Variants in SARDH observed in about 807,000 individuals in gnomAD.
The protein encoded by SARDH is sarcosine dehydrogenase, mitochondrial.
SARDH carries 95 observed loss-of-function variants against 109.1 expected under a neutral mutation model. The ratio of observed to expected loss-of-function variants is 0.87; its 90% CI spans 0.74 to 1.03. The LOEUF (loss-of-function observed/expected upper bound fraction) is 1.03, where lower values mean the gene tolerates loss of function less well. Ranked by LOEUF, SARDH falls within the 50% of genes least tolerant of loss-of-function variation. The pLI, the probability that SARDH is intolerant of heterozygous loss-of-function variation, is 0.00. For missense variants in SARDH, 1,267 were observed against 1,287.8 expected (o/e 0.98, Z 0.25); for synonymous variants, 572 against 534.8 (o/e 1.07, Z -0.96).
chr9:133,703,815 A>T (rs1466778993), intron 12 of SARDH: 2 of 152,278 alleles, frequency 1.3e-5, no homozygotes, highest in Non-Finnish European at 2.9e-5. Context: ...GTTGTAAGGG[A>T]GTCAGGCTTT....
Position 133,666,788 on chromosome 9 carries a change from C to T in SARDH, c.2578G>A (p.Ala860Thr), listed in dbSNP as rs769825652. 10 of 1,603,748 alleles carry T rather than the reference C, an allele frequency of 6.2e-6. No individual in the cohort carries two copies. The highest frequency in any genetic ancestry group is 1.3e-5 in the African/African-American group (1 of 74,866). ...GHVRRADFGF[A>T]IDKTIAYGYI... ...CCGTAGGCGATGGTCTTGTCGATGG[C>T]GAACCCAAAGTCAGCCCTCCGGACA... The change falls in exon 20 of 21, where the codon GCC becomes ACC. Residue 860 changes from alanine (A) to threonine (T), a missense_variant. Physicochemically the swap from Ala to Thr is moderately conservative, Grantham distance 58. Transcript: ENST00000439388. The surrounding 1 kb of genome is among the most constrained non-coding windows in gnomAD (Gnocchi z 5.2).
intron 10 of SARDH, among the ~76,000 whole-genome samples, chr9:133,710,317 G>A (rs1446309929): frequency 6.6e-6 from 1 of 152,246 alleles, no homozygotes; most frequent in Non-Finnish European, 1.5e-5. Flanking sequence ...TATGGGGCTG[G>A]AGAGACAGCC....
At chr9:133,697,846 G>C (rs1021397381) in intron 13 of SARDH, among the ~76,000 whole-genome samples, 2 of 151,746 alleles carry the variant, frequency 1.3e-5, no homozygotes, top group African/African-American at 4.8e-5. Flanking sequence ...AAGACAGGGG[G>C]GTCCATTCTT....
At chr9:133,720,797 C>A (rs751318584) in intron 6 of SARDH, among the ~76,000 whole-genome samples, 1 of 152,114 alleles carries the variant, frequency 6.6e-6, no homozygotes, top group Admixed American at 6.5e-5. Flanking sequence ...GGGATTATTA[C>A]GATTCAAGGT....
At chr9:133,710,439 G>T (rs945092666) in intron 10 of SARDH, among the ~76,000 whole-genome samples, 40 of 152,218 alleles carry the variant, frequency 2.6e-4, no homozygotes, top group African/African-American at 9.2e-4. Context: ...GCCCAGACAG[G>T]CCCCGCACCC....
At position 133,701,592 on chromosome 9, in the gene SARDH, C is replaced by T. The variant is rs567090286; in HGVS notation, c.1668+1324G>A. The stretch of plus-strand genomic sequence containing the variant: ...CAAGTTGGCATCTCCCCCGAGCTCC[C>T]ACATCCTCGAGGGCCAGAGTCCCAC... On this transcript the variant is annotated intron_variant, in intron 13 of 20. Coordinates refer to ENST00000439388, the MANE Select transcript of SARDH (RefSeq NM_001134707.2). Among the ~76,000 whole-genome samples the T allele has an allele frequency of 7.1e-3, 1,087 of 152,354 alleles. 11 individuals are homozygous for T. Among genetic ancestry groups the T allele is most frequent in the Non-Finnish European group, 8.1e-3 (549 of 68,024 alleles).
At chr9:133,706,207 C>T (rs1212743943) in intron 11 of SARDH, among the ~76,000 whole-genome samples, 1 of 152,092 alleles carries the variant, frequency 6.6e-6, no homozygotes, top group Non-Finnish European at 1.5e-5. Context: ...GAGAGAACCC[C>T]CGTGGCCCTC....
At position 133,719,373 on chromosome 9, in the gene SARDH, G is replaced by A. The variant is rs913175619; in HGVS notation, c.916-331C>T. 2.4e-4 allele frequency among the ~76,000 whole-genome samples: 37 copies of A among 152,192 alleles called. 1 individual carries two copies. The highest frequency in any genetic ancestry group is 2.3e-3 in the Admixed American group (35 of 15,284). ...AAAGATGAGAGAACAGGCAGAGGCAGCAGTAGAGGATGGGAGATTCCAACC... is the reference window on the plus strand; with the variant it reads ...AAAGATGAGAGAACAGGCAGAGGCAACAGTAGAGGATGGGAGATTCCAACC... On this transcript the variant is annotated intron_variant, in intron 6 of 20. Transcript: ENST00000439388.
rs997337647 is a variant in SARDH, at chr9:133,704,596, C to T, written c.1554+352G>A. Among the ~76,000 whole-genome samples, 9 of 152,316 alleles carry T rather than the reference C, an allele frequency of 5.9e-5. No individual in the cohort carries two copies. Among genetic ancestry groups the T allele is most frequent in the South Asian group, 2.1e-4 (1 of 4,828 alleles). On this transcript the variant is annotated intron_variant, in intron 12 of 20. Transcript: ENST00000439388. The surrounding 1 kb of genome is among the most constrained non-coding windows in gnomAD (Gnocchi z 4.5). Reference sequence around the variant, plus strand: ...AAAATAGATGCACAGAATTAGGAGACGCTCCATTCCTCCTGCAACCTGGGG... The same window carrying T: ...AAAATAGATGCACAGAATTAGGAGATGCTCCATTCCTCCTGCAACCTGGGG...
chr9:133,688,373 G>A (rs555671820), intron 16 of SARDH, among the ~76,000 whole-genome samples: 4 of 137,394 alleles, frequency 2.9e-5, no homozygotes, highest in Non-Finnish European at 4.6e-5. Flanking sequence ...ATCCACTGTC[G>A]GGTGCTATGA....
intron 1 of SARDH, among the ~76,000 whole-genome samples, chr9:133,734,531 C>G (rs756862199): frequency 6.6e-6 from 1 of 152,136 alleles, no homozygotes. Context: ...TGTCAGTGCC[C>G]GGGAGCAACC....
intron 10 of SARDH, among the ~76,000 whole-genome samples, chr9:133,710,418 C>T (rs910469152): frequency 2.0e-5 from 3 of 152,240 alleles, no homozygotes; most frequent in African/African-American, 4.8e-5. Context: ...GACCCTCACG[C>T]GCAGCCCGGA....
At chr9:133,737,367 G>A (rs373278438) in intron 1 of SARDH, among the ~76,000 whole-genome samples, 11 of 152,338 alleles carry the variant, frequency 7.2e-5, no homozygotes, top group African/African-American at 2.2e-4. Context: ...GTGTCAGCCC[G>A]CCTGGCTCCT....
In SARDH at chr9:133,708,431, G is replaced by C; in HGVS notation, c.1329-3C>G. 1 of 1,608,038 alleles carries C rather than the reference G, an allele frequency of 6.2e-7. No individual in the cohort carries two copies. Among genetic ancestry groups the C allele is most frequent in the Non-Finnish European group, 8.5e-7 (1 of 1,177,810 alleles). Reference sequence around the variant, plus strand: ...CCGTGAGCGAGTGATGGAAGCGCCTGCCGCAGACAGGGGGACGGGTCACTG... The same window carrying C: ...CCGTGAGCGAGTGATGGAAGCGCCTCCCGCAGACAGGGGGACGGGTCACTG... On this transcript the variant is annotated splice_region_variant and splice_polypyrimidine_tract_variant and intron_variant, in intron 10 of 20. Transcript: ENST00000439388.
rs1832775243 is a variant in SARDH at position 133,733,972 on chromosome 9, T to C, written c.202A>G (p.Asn68Asp). The change falls in exon 2 of 21, where the codon AAC (asparagine) becomes GAC (aspartate). Residue 68 changes from asparagine (N) to aspartate (D), a missense_variant. Asn to Asp is a conservative substitution (Grantham distance 23). Transcript: ENST00000439388. ...GPSRPLPSTA[N>D]VVVIGGGSLG... ...CTGCCTCCACCAATGACCACCACGT[T>C]GGCCGTGCTGGGCAGGGGCCGGCTT... 1 of 1,611,608 alleles carries C rather than the reference T, an allele frequency of 6.2e-7. No individual in the cohort carries two copies.
upstream of SARDH, among the ~76,000 whole-genome samples, chr9:133,738,813 G>A (rs1832968924): frequency 6.6e-6 from 1 of 152,206 alleles, no homozygotes; most frequent in African/African-American, 2.4e-5. Context: ...GATGCTCACT[G>A]CCTTCAGAGG....
chr9:133,696,071 G>T (rs1413892395), intron 14 of SARDH, 152 bp downstream of exon 14: 14 of 739,930 alleles, frequency 1.9e-5, no homozygotes, highest in Admixed American at 1.1e-4. Context: ...GGCAAAGGGG[G>T]CCGGACGGGG....
intron 6 of SARDH, among the ~76,000 whole-genome samples, chr9:133,727,769 C>T (rs568496690): frequency 6.6e-6 from 1 of 152,298 alleles, no homozygotes; most frequent in African/African-American, 2.4e-5. Flanking sequence ...GTAAGTAACA[C>T]CCCCTAGCTT....
Position 133,689,807 on chromosome 9 carries a change from GCCGTC to G in SARDH, c.2069+568_2069+572del, listed in dbSNP as rs759847713. Among the ~76,000 whole-genome samples the G allele has an allele frequency of 4.6e-5, 7 of 152,228 alleles. No homozygotes were observed. In the East Asian group the frequency reaches 1.4e-3, roughly 29 times the overall value. ...TCTTTCCAAGGTGCACACCTGCTCA[GCCGTC>G]CTTTTGCCCAAGACTCTTCTGTGGC... On this transcript the variant is annotated intron_variant, in intron 16 of 20. Transcript: ENST00000439388.
Sources: allele counts gnomAD v4.1 joint callset (sites outside exome capture counted in the v4.1 genomes callset), GRCh38; gene constraint gnomAD v4.1.1; non-coding constraint Gnocchi (gnomAD v3.1); transcripts MANE v1.5; gene names NCBI Gene and HGNC (gene_info 2026-07-23, HGNC 2026-07-21).